LRRC8B: variants seen among roughly 807,000 people sequenced by gnomAD.
LRRC8B encodes the protein volume-regulated anion channel subunit LRRC8B.
In LRRC8B, 23 loss-of-function variants were observed where a neutral mutation model predicts 58.8. The observed-to-expected ratio is 0.39, with a 90% CI of 0.28 to 0.55. The LOEUF is 0.55. Ranked by LOEUF, LRRC8B falls within the 20% of genes least tolerant of loss-of-function variation. The probability of loss-of-function intolerance (pLI) is 0.62; values close to 1 mark genes in which losing one functional copy is unlikely to be tolerated. For missense variants in LRRC8B, 694 were observed against 936.0 expected, an observed-to-expected ratio of 0.74 and a Z score of 3.37; for synonymous variants, 359 against 374.1, an observed-to-expected ratio of 0.96 and a Z score of 0.47.
intron 1 of LRRC8B, among the ~76,000 whole-genome samples, chr1:89,554,290 T>A (rs1652021832): frequency 6.6e-6 from 1 of 152,184 alleles, no homozygotes; most frequent in African/African-American, 2.4e-5. Flanking sequence ...TGCCCTGTTA[T>A]TAACCAACCC....
intron 1 of LRRC8B, among the ~76,000 whole-genome samples, chr1:89,534,581 GCT>G (rs1431002007): frequency 6.6e-6 from 1 of 151,802 alleles, no homozygotes; most frequent in African/African-American, 2.4e-5. Context: ...TGACAATAAG[GCT>G]CTAAATGTTG....
chr1:89,592,683 G>GGT, intron 5 of LRRC8B, 88 bp from the exon 6 acceptor site: 3 of 940,458 alleles, frequency 3.2e-6, no homozygotes, highest in East Asian at 5.2e-5. Context: ...GAAATGTTTT[G>GGT]TTTTTTTTTT....
At chr1:89,548,647 T>C (rs1651584718) in intron 1 of LRRC8B, among the ~76,000 whole-genome samples, 1 of 152,176 alleles carries the variant, frequency 6.6e-6, no homozygotes, top group Non-Finnish European at 1.5e-5. Flanking sequence ...CAGTTTTGTT[T>C]CACCCTGGGC....
At chr1:89,562,729 T>A (rs1652775156) in intron 1 of LRRC8B, among the ~76,000 whole-genome samples, 1 of 152,126 alleles carries the variant, frequency 6.6e-6, no homozygotes, top group Admixed American at 6.6e-5. Context: ...CTTGAGCTCC[T>A]AAAGTGCTGG....
chr1:89,593,022 G>A lies in LRRC8B; in HGVS notation c.2391G>A (p.Gln797=), dbSNP rs182478499. The change falls in exon 6 of 6, where the codon CAG becomes CAA. Residue 797 remains glutamine (Q), a synonymous_variant. Transcript: ENST00000330947. ...TLPLPVTERL[Q]TCLDKC ...CTCTCCCTGTAACAGAACGTTTACAGACGTGCTTAGACAAATGTTGACTTA... is the reference window on the plus strand; with the variant it reads ...CTCTCCCTGTAACAGAACGTTTACAAACGTGCTTAGACAAATGTTGACTTA... 6.2e-7 allele frequency: 1 copy of A among 1,612,058 alleles called. No homozygotes were observed. Among genetic ancestry groups the A allele is most frequent in the Non-Finnish European group, 8.5e-7 (1 of 1,178,552 alleles).
At chr1:89,589,073 G>A (rs1654815190) in intron 5 of LRRC8B, among the ~76,000 whole-genome samples, 1 of 152,084 alleles carries the variant, frequency 6.6e-6, no homozygotes, top group Non-Finnish European at 1.5e-5. Flanking sequence ...AAAAATATAT[G>A]GAATATTTTT....
At chr1:89,553,821 G>C (rs907384433) in intron 1 of LRRC8B, among the ~76,000 whole-genome samples, 1 of 151,866 alleles carries the variant, frequency 6.6e-6, no homozygotes, top group African/African-American at 2.4e-5. Flanking sequence ...ATAAAATTAG[G>C]CTTCCTGCTG....
At chr1:89,571,659 CT>C (rs1474270042) in intron 3 of LRRC8B, among the ~76,000 whole-genome samples, 4 of 152,176 alleles carry the variant, frequency 2.6e-5, no homozygotes, top group African/African-American at 9.7e-5. Flanking sequence ...TTGATTTCCT[CT>C]TTTCCTATTT....
chr1:89,584,878 G>C, intron 5 of LRRC8B, 89 bp downstream of exon 5: 6 of 953,510 alleles, frequency 6.3e-6, no homozygotes, highest in Non-Finnish European at 9.4e-6. Flanking sequence ...AAATCATACT[G>C]TGTGTTCTCA....
In LRRC8B at chr1:89,583,952, C is replaced by T. The variant is rs775986052; in HGVS notation, c.1302C>T (p.Asp434=). Residue 434 remains aspartate (D), a synonymous_variant, in exon 5 of 6, where the codon GAC becomes GAT. Transcript: ENST00000330947. The surrounding 1 kb of genome is among the most constrained non-coding windows in gnomAD (Gnocchi z 5.2). ...TTTTTATGCTCAACGGTCTTCCAGA[C>T]AATGTCTTTGAGTTAACTGAAATGG... The part of the protein sequence containing the change: ...LHLFMLNGLP[D]NVFELTEMEV... 3 of 1,614,068 alleles carry T rather than the reference C, an allele frequency of 1.9e-6. No individual in the cohort carries two copies. Among genetic ancestry groups the T allele is most frequent in the African/African-American group, 1.3e-5 (1 of 74,922 alleles).
At chr1:89,567,840 A>G (rs928002127) in intron 1 of LRRC8B, among the ~76,000 whole-genome samples, 10 of 152,170 alleles carry the variant, frequency 6.6e-5, no homozygotes, top group Non-Finnish European at 1.5e-4. Context: ...ATAAACTAGG[A>G]CATATCCATG....
intron 1 of LRRC8B, among the ~76,000 whole-genome samples, chr1:89,544,278 A>T (rs981793408): frequency 2.0e-5 from 3 of 152,186 alleles, no homozygotes; most frequent in Non-Finnish European, 4.4e-5. Flanking sequence ...GATGTTACAC[A>T]TGGTAAAGTC....
At chr1:89,559,905 C>A (rs141590915) in intron 1 of LRRC8B, among the ~76,000 whole-genome samples, 1 of 152,124 alleles carries the variant, frequency 6.6e-6, no homozygotes, top group African/African-American at 2.4e-5. Context: ...TCTAAGGAAA[C>A]CTACACCATT....
chr1:89,584,585 T>G lies in LRRC8B; in HGVS notation c.1935T>G (p.Ile645Met), dbSNP rs760609146. The G allele has an allele frequency of 6.2e-7, 1 of 1,614,156 alleles. No individual in the cohort carries two copies. The highest frequency in any genetic ancestry group is 1.7e-5 in the Admixed American group (1 of 60,020). The change falls in exon 5 of 6, where the codon ATT becomes ATG. Residue 645 changes from isoleucine to methionine, a missense_variant. Around this residue, in one of 5 missense-constraint regions of LRRC8B, gnomAD observed 53 missense variants for 112.3 expected, o/e 0.47. Coordinates refer to ENST00000330947, the MANE Select transcript of LRRC8B (RefSeq NM_001369817.2). ...GCTTAAAGTTGTGGCACAATAACAT[T>G]GCTTATATTCCTGCACAGATTGGGG... The part of the protein sequence containing the change: ...LSCLKLWHNN[I>M]AYIPAQIGAL...
At chr1:89,544,088 G>A (rs182378890) in intron 1 of LRRC8B, among the ~76,000 whole-genome samples, 14 of 152,236 alleles carry the variant, frequency 9.2e-5, no homozygotes, top group Admixed American at 3.3e-4. Context: ...AAGCCACTGC[G>A]CCCAGATGAT....
In LRRC8B at chr1:89,582,724, A is replaced by G. The variant is rs761708122; in HGVS notation, c.74A>G (p.Asp25Gly). The change falls in exon 5 of 6, where the codon GAC becomes GGC. Residue 25 changes from aspartate to glycine, a missense_variant. By Grantham distance (94) the Asp-to-Gly change is moderately conservative. This residue lies in a region of LRRC8B where 316 missense variants were observed against 403.8 expected (regional missense o/e 0.78). Coordinates refer to ENST00000330947, the MANE Select transcript of LRRC8B (RefSeq NM_001369817.2). ...TATCACATCTTAAAACCATGGTGGG[A>G]CGTCTTCTGGTATTACATCACACTG... ...SSYHILKPWW[D>G]VFWYYITLIM... is the part of the protein sequence containing the mutation. The G allele has an allele frequency of 1.9e-6, 3 of 1,614,038 alleles. No homozygotes were observed. Among genetic ancestry groups the G allele is most frequent in the African/African-American group, 1.3e-5 (1 of 74,898 alleles).
intron 1 of LRRC8B, among the ~76,000 whole-genome samples, chr1:89,535,611 G>A (rs147470773): frequency 3.3e-5 from 5 of 152,200 alleles, no homozygotes; most frequent in Admixed American, 1.3e-4. Flanking sequence ...TTTAATTACC[G>A]TCATCCATTT....
Position 89,592,872 on chromosome 1 carries a change from G to A in LRRC8B, c.2241G>A (p.Leu747=). Reference sequence around the variant, plus strand: ...ATTTGTCCCCTCATGTGGGTGAGCTGTCAAACCTTACTCATCTGGAGCTCA... The same window carrying A: ...ATTTGTCCCCTCATGTGGGTGAGCTATCAAACCTTACTCATCTGGAGCTCA... ...LMNLSPHVGE[L]SNLTHLELIG... is the part of the protein sequence containing the mutation. Residue 747 remains leucine, a synonymous_variant, in exon 6 of 6, where the codon CTG becomes CTA. Transcript: ENST00000330947. 1.2e-6 allele frequency: 2 copies of A among 1,614,100 alleles called. No homozygotes were observed. The highest frequency in any genetic ancestry group is 1.7e-6 in the Non-Finnish European group (2 of 1,180,006).
At chr1:89,573,656 C>T (rs554009360) in intron 3 of LRRC8B, among the ~76,000 whole-genome samples, 97 of 152,308 alleles carry the variant, frequency 6.4e-4, no homozygotes, top group African/African-American at 2.2e-3. Flanking sequence ...TCCAGAAATA[C>T]TGTGCTTCTC....
Sources: gnomAD v4.1 joint callset for allele counts (sites outside exome capture counted in the v4.1 genomes callset) on GRCh38, gnomAD v4.1.1 for gene constraint, gnomAD v4.1.1 regional missense constraint, Gnocchi (gnomAD v3.1) non-coding constraint, MANE v1.5 for transcripts, NCBI Gene and HGNC (gene_info 2026-07-23, HGNC 2026-07-21) for gene names.